Variants in ESRP1 observed in about 807,000 individuals in gnomAD.
ESRP1 encodes epithelial splicing regulatory protein 1, also known as RNA-binding motif protein 35A.
In ESRP1, 33 loss-of-function variants were observed where a neutral mutation model predicts 81.7. The observed-to-expected ratio is 0.40, with a 90% confidence interval of 0.31 to 0.54. The LOEUF is 0.54. Ranked by LOEUF, ESRP1 falls within the 20% of genes least tolerant of loss-of-function variation. The pLI, the probability that ESRP1 is intolerant of heterozygous loss-of-function variation, is 0.41. For synonymous variants in ESRP1, 320 were observed against 303.3 expected, an observed-to-expected ratio of 1.06 and a Z score of -0.57; for missense variants, 672 against 833.1, an observed-to-expected ratio of 0.81 and a Z score of 2.38.
chr8:94,700,654 G>C (rs1809786072), intron 15 of ESRP1, among the ~76,000 whole-genome samples: 1 of 152,266 alleles, frequency 6.6e-6, no homozygotes, highest in African/African-American at 2.4e-5. Context: ...AGAGGGCCGG[G>C]TGTAGTGGCT....
intron 3 of ESRP1, among the ~76,000 whole-genome samples, chr8:94,644,473 C>T (rs1236821901): frequency 6.6e-6 from 1 of 152,104 alleles, no homozygotes; most frequent in Non-Finnish European, 1.5e-5. Context: ...GAAAATCATT[C>T]CTTTTATACG....
chr8:94,682,904 T>TTTTATA lies in ESRP1; in HGVS notation c.1820+4534_1820+4535insTTATAT, dbSNP rs1452052553. Among the ~76,000 whole-genome samples, 32 of 29,848 alleles carry TTTTATA rather than the reference T, an allele frequency of 1.1e-3. 1 individual carries two copies. The highest frequency in any genetic ancestry group is 5.0e-3 in the African/African-American group (28 of 5,600). 19.6% of individuals were successfully genotyped at this position (29,848 alleles called of 152,430 possible). ...TTCATTATTCAATATATTCATTATTTTATATATATATATATATATATATAT... is the reference window on the plus strand; with the variant it reads ...TTCATTATTCAATATATTCATTATTTTTTATATATATATATATATATATATATATAT... On this transcript the variant is annotated intron_variant, in intron 13 of 15. Coordinates refer to ENST00000433389, the MANE Select transcript of ESRP1 (RefSeq NM_017697.4).
At chr8:94,686,661 T>C (rs1443009766) in intron 13 of ESRP1, among the ~76,000 whole-genome samples, 3 of 152,218 alleles carry the variant, frequency 2.0e-5, no homozygotes, top group African/African-American at 7.2e-5. Flanking sequence ...TCCTATCAAT[T>C]TTTGAACTTT....
At chr8:94,681,547 G>C (rs1808885698) in intron 13 of ESRP1, among the ~76,000 whole-genome samples, 1 of 151,952 alleles carries the variant, frequency 6.6e-6, no homozygotes, top group Non-Finnish European at 1.5e-5. Context: ...TAAGGCAAGA[G>C]AGTTGCTTGA....
intron 2 of ESRP1, 125 bp from the exon 3 acceptor site, chr8:94,643,178 C>T (rs2130524348): frequency 1.6e-6 from 1 of 612,760 alleles, no homozygotes; most frequent in South Asian, 2.1e-5. Flanking sequence ...AAGGTTGCCC[C>T]AGCACCGGTG....
At chr8:94,643,020 C>T (rs997793323) in intron 2 of ESRP1, among the ~76,000 whole-genome samples, 10 of 152,222 alleles carry the variant, frequency 6.6e-5, no homozygotes, top group Non-Finnish European at 8.8e-5. Flanking sequence ...TGAAATGAGA[C>T]ATCTGACTTA....
At chr8:94,672,721 C>A (rs938263242) in intron 11 of ESRP1, among the ~76,000 whole-genome samples, 1 of 152,140 alleles carries the variant, frequency 6.6e-6, no homozygotes, top group Non-Finnish European at 1.5e-5. Context: ...TTAGTAGAGA[C>A]AGGATTTCAC....
At chr8:94,662,579 T>C (rs947070671) in intron 6 of ESRP1, 24 bp downstream of exon 6, 1 of 1,556,044 alleles carries the variant, frequency 6.4e-7, no homozygotes, top group African/African-American at 1.4e-5. Flanking sequence ...TACTATTTAT[T>C]TGAGCTTTTT....
intron 12 of ESRP1, 114 bp downstream of exon 12, chr8:94,674,620 ATAAGGC>A: frequency 5.4e-6 from 5 of 928,062 alleles, no homozygotes; most frequent in Non-Finnish European, 7.9e-6. Flanking sequence ...AGGTGGTTAT[ATAAGGC>A]TCTCCCATCT....
chr8:94,647,774 A>G (rs949742402), intron 4 of ESRP1, among the ~76,000 whole-genome samples: 1 of 152,210 alleles, frequency 6.6e-6, no homozygotes, highest in African/African-American at 2.4e-5. Context: ...TCCACAAAAT[A>G]GAGAACCAGA....
In ESRP1 at chr8:94,678,250, C is replaced by T. The variant is rs746965310; in HGVS notation, c.1699C>T (p.Pro567Ser). The T allele has an allele frequency of 1.2e-6, 2 of 1,614,002 alleles. No individual in the cohort carries two copies. The highest frequency in any genetic ancestry group is 1.7e-6 in the Non-Finnish European group (2 of 1,179,896). Residue 567 changes from proline to serine, a missense_variant, in exon 13 of 16, where the codon CCT (proline) becomes TCT (serine). Coordinates refer to ENST00000433389, the MANE Select transcript of ESRP1 (RefSeq NM_017697.4). The part of the protein sequence containing the change: ...YTFPAPAAVI[P>S]TEAAIYQPSV... ...ATTTCCAGCTCCTGCTGCAGTTATT[C>T]CTACAGAAGCTGCCATTTACCAGCC...
intron 15 of ESRP1, among the ~76,000 whole-genome samples, chr8:94,702,164 T>C (rs1809867015): frequency 6.6e-6 from 1 of 152,228 alleles, no homozygotes; most frequent in African/African-American, 2.4e-5. Flanking sequence ...CATAGGGTTT[T>C]TTTGTGTTTT....
intron 9 of ESRP1, among the ~76,000 whole-genome samples, chr8:94,667,068 G>GGTGTGTGTGTGTGTGTGTGTGTGTGTGT (rs1163646804): frequency 4.4e-4 from 63 of 144,320 alleles, no homozygotes; most frequent in African/African-American, 1.5e-3. Context: ...CCAGGAGAGG[G>GGTGTGTGTGTGTGTGTGTGTGTGTGTGT]GTGTGTGTGT....
At position 94,704,766 on chromosome 8, in the gene ESRP1, G is replaced by GAAAAAA. The variant is rs10618511; in HGVS notation, c.*36-1137_*36-1132dup. On this transcript the variant is annotated intron_variant, in intron 15 of 15. Transcript: ENST00000433389. ...ACAATGCAAGGCACCATCTCTTTTT[G>GAAAAAA]AAAAAAAAAAAAAAAAAAAAAAAAA... is the stretch of plus-strand genomic sequence containing the variant. Among the ~76,000 whole-genome samples the GAAAAAA allele has an allele frequency of 1.6e-4, 17 of 108,752 alleles. 2 individuals are homozygous for GAAAAAA. Among genetic ancestry groups the GAAAAAA allele is most frequent in the Non-Finnish European group, 2.7e-4 (15 of 54,696 alleles). The allele number at this position is 108,752 out of a possible 152,430, so 71.3% of individuals were successfully genotyped here.
At chr8:94,652,622 C>T (rs910189780) in intron 4 of ESRP1, among the ~76,000 whole-genome samples, 1 of 152,086 alleles carries the variant, frequency 6.6e-6, no homozygotes. Flanking sequence ...GATGGAATTA[C>T]TTCCTGATTT....
chr8:94,692,392 A>G (rs1319777580), intron 13 of ESRP1, among the ~76,000 whole-genome samples: 1 of 151,946 alleles, frequency 6.6e-6, no homozygotes, highest in Non-Finnish European at 1.5e-5. Flanking sequence ...TTTGCGGTGG[A>G]GTTGACATGA....
chr8:94,650,243 A>G (rs1313822187), intron 4 of ESRP1, among the ~76,000 whole-genome samples: 1 of 121,850 alleles, frequency 8.2e-6, no homozygotes, highest in Non-Finnish European at 1.8e-5. Context: ...AGCATAGTAT[A>G]GAATTTTTTT....
At chr8:94,674,594 C>T (rs1265447929) in intron 12 of ESRP1, 88 bp downstream of exon 12, 1 of 1,238,480 alleles carries the variant, frequency 8.1e-7, no homozygotes, top group African/African-American at 1.5e-5. Flanking sequence ...GCCCCTGGTT[C>T]TTTCTGAGGC....
In ESRP1 at chr8:94,661,528, A is replaced by G. The variant is rs116862750; in HGVS notation, c.491-744A>G. 7.9e-3 allele frequency among the ~76,000 whole-genome samples: 1,207 copies of G among 152,326 alleles called. 9 individuals carry two copies. The highest frequency in any genetic ancestry group is 0.014 in the Non-Finnish European group (931 of 68,026). On this transcript the variant is annotated intron_variant, in intron 4 of 15. Coordinates refer to ENST00000433389, the MANE Select transcript of ESRP1 (RefSeq NM_017697.4). ...ACCAAGCCTACCATATTTTCAAGGT[A>G]TGCCTCTATTTGATGGAAATACATC...
Sources: allele counts gnomAD v4.1 joint callset (sites outside exome capture counted in the v4.1 genomes callset), GRCh38; gene constraint gnomAD v4.1.1; transcripts MANE v1.5; gene names NCBI Gene and HGNC (gene_info 2026-07-23, HGNC 2026-07-21).